The following VPS8 variants were observed in gnomAD, a reference collection of about 807,000 sequenced individuals.
VPS8 encodes the protein vacuolar protein sorting-associated protein 8 homolog.
VPS8 carries 129 observed loss-of-function variants against 216.4 expected under a neutral mutation model. The observed-to-expected ratio is 0.60, with a 90% CI of 0.52 to 0.69. The LOEUF (loss-of-function observed/expected upper bound fraction) is 0.69. VPS8 is among the 30% of genes least tolerant of loss of function. The probability of loss-of-function intolerance (pLI) is 0.00; values close to 1 mark genes in which losing one functional copy is unlikely to be tolerated. For synonymous variants in VPS8, 571 were observed against 565.4 expected (o/e 1.01, Z -0.14); for missense variants, 1,531 against 1,683.5 (o/e 0.91, Z 1.59).
chr3:184,923,759 C>T (rs1481749037), intron 29 of VPS8, among the ~76,000 whole-genome samples: 3 of 152,146 alleles, frequency 2.0e-5, no homozygotes, highest in Admixed American at 6.5e-5. Context: ...TTTCTGTGTC[C>T]ATGATTTTGC....
At chr3:184,954,390 A>G (rs866803434) in intron 36 of VPS8, among the ~76,000 whole-genome samples, 1 of 152,132 alleles carries the variant, frequency 6.6e-6, no homozygotes, top group Non-Finnish European at 1.5e-5. Flanking sequence ...CAGAGGTGTC[A>G]GGGCTGGGGT....
chr3:184,912,197 G>A (rs1736671052), intron 25 of VPS8, among the ~76,000 whole-genome samples: 1 of 152,104 alleles, frequency 6.6e-6, no homozygotes, highest in Non-Finnish European at 1.5e-5. Flanking sequence ...TTTGGCTGCC[G>A]GCTGAATAAA....
At chr3:185,050,100 AAT>A (rs1292527650) in intron 47 of VPS8, among the ~76,000 whole-genome samples, 1 of 151,580 alleles carries the variant, frequency 6.6e-6, no homozygotes, top group Non-Finnish European at 1.5e-5. Flanking sequence ...GGAACACAAA[AAT>A]ATCTGTTTTC....
chr3:184,866,761 TA>T, intron 16 of VPS8, 114 bp from the exon 17 acceptor site: 1 of 920,536 alleles, frequency 1.1e-6, no homozygotes, highest in Non-Finnish European at 1.6e-6. Context: ...TTGTAAACTA[TA>T]ATCACTAAAA....
intron 45 of VPS8, among the ~76,000 whole-genome samples, chr3:185,018,683 A>G (rs1024732130): frequency 6.6e-6 from 1 of 152,216 alleles, no homozygotes; most frequent in Non-Finnish European, 1.5e-5. Context: ...CCTGGTCCAT[A>G]TTGATTAATA....
chr3:185,047,380 G>A (rs547557675), intron 46 of VPS8, among the ~76,000 whole-genome samples: 1 of 151,710 alleles, frequency 6.6e-6, no homozygotes, highest in Admixed American at 6.6e-5. Context: ...AAACAAACAA[G>A]CAAAAAGTAC....
At chr3:184,869,060 A>G in intron 19 of VPS8, 24 bp downstream of exon 19, 1 of 1,584,538 alleles carries the variant, frequency 6.3e-7, no homozygotes, top group Non-Finnish European at 8.6e-7. Context: ...ATTCCAGTGT[A>G]GTAGACGTGG....
chr3:184,893,222 G>T, intron 22 of VPS8: 1 of 1,267,484 alleles, frequency 7.9e-7, no homozygotes, highest in Non-Finnish European at 1.0e-6. Context: ...TTTTCCATCT[G>T]TCCCCTTCCA....
intron 22 of VPS8, among the ~76,000 whole-genome samples, chr3:184,887,691 CA>C (rs10708053): frequency 0.031 from 4,730 of 152,202 alleles, 257 homozygotes; most frequent in African/African-American, 0.11. Flanking sequence ...TGATAGAGAA[CA>C]AATGTGAAGA....
chr3:185,022,018 GTAGT>G (rs1561159407), intron 45 of VPS8, among the ~76,000 whole-genome samples: 3 of 152,120 alleles, frequency 2.0e-5, no homozygotes, highest in Non-Finnish European at 2.9e-5. Flanking sequence ...ATCTTGAATT[GTAGT>G]TCCCATAATC....
In VPS8 at chr3:184,824,849, G is replaced by A. The variant is rs572365492; in HGVS notation, c.153+64G>A. ...CAGTGTAGATTAGAGTATGCTTTGT[G>A]ACCCAGAGACTCTAAGTCTGTCATT... is the stretch of plus-strand genomic sequence containing the variant. On this transcript the variant is annotated intron_variant, in intron 2 of 47. Transcript: ENST00000625842. 1.2e-5 allele frequency: 17 copies of A among 1,456,382 alleles called. No homozygotes were observed. The East Asian group carries it at 3.9e-4, about 34-fold the overall frequency. The allele number at this position is 1,456,382 out of a possible 1,614,324, so 90.2% of individuals were successfully genotyped here.
chr3:184,957,946 T>G (rs1347850150), intron 37 of VPS8, among the ~76,000 whole-genome samples: 1 of 152,204 alleles, frequency 6.6e-6, no homozygotes, highest in African/African-American at 2.4e-5. Flanking sequence ...AAGCAAGTGC[T>G]ATCTCCAGTA....
intron 1 of VPS8, among the ~76,000 whole-genome samples, chr3:184,818,490 C>G (rs538999652): frequency 2.0e-5 from 3 of 150,236 alleles, no homozygotes; most frequent in African/African-American, 7.4e-5. Flanking sequence ...CCACTGCACT[C>G]CAGCCTGGGT....
chr3:184,877,883 A>G (rs1458728814), intron 21 of VPS8, among the ~76,000 whole-genome samples: 2 of 152,246 alleles, frequency 1.3e-5, no homozygotes, highest in Admixed American at 6.5e-5. Context: ...CATGGTAAAT[A>G]TACCTGAACA....
intron 46 of VPS8, among the ~76,000 whole-genome samples, chr3:185,041,247 A>G (rs756700470): frequency 2.0e-5 from 3 of 151,894 alleles, no homozygotes; most frequent in Non-Finnish European, 4.4e-5. Context: ...CTTACAGCTC[A>G]TCATCAGAGA....
At chr3:184,839,896 T>C (rs1037889621) in intron 7 of VPS8, 144 bp downstream of exon 7, 2 of 1,414,064 alleles carry the variant, frequency 1.4e-6, no homozygotes, top group South Asian at 3.3e-5. Context: ...AGTATTTTTA[T>C]AGCTAAAAAT....
chr3:184,946,701 C>T (rs542445297), intron 36 of VPS8, among the ~76,000 whole-genome samples: 2 of 152,230 alleles, frequency 1.3e-5, no homozygotes, highest in African/African-American at 4.8e-5. Flanking sequence ...CAGTGCTGAC[C>T]TACGTGTTCA....
intron 42 of VPS8, among the ~76,000 whole-genome samples, chr3:184,984,132 C>T (rs1295594586): frequency 6.4e-5 from 7 of 109,944 alleles, no homozygotes; most frequent in Non-Finnish European, 8.6e-5. Flanking sequence ...TGCAGTGAGC[C>T]GAGATCGAGC....
chr3:185,041,600 T>C (rs1711636773), intron 46 of VPS8, among the ~76,000 whole-genome samples: 2 of 152,202 alleles, frequency 1.3e-5, no homozygotes, highest in African/African-American at 4.8e-5. Flanking sequence ...CCAAAATACA[T>C]GGCAGTTATC....
Sources: allele counts gnomAD v4.1 joint callset (sites outside exome capture counted in the v4.1 genomes callset), GRCh38; gene constraint gnomAD v4.1.1; transcripts MANE v1.5; gene names NCBI Gene and HGNC (gene_info 2026-07-23, HGNC 2026-07-21).